The following CHD1 variants were observed in gnomAD, a reference collection of about 807,000 sequenced individuals.
CHD1 encodes the protein ATP-dependent chromatin remodeler CHD1.
Under a neutral mutation model 224.2 loss-of-function variants are expected in CHD1, and 36 were observed. That is an observed-to-expected ratio of 0.16 (90% CI 0.12 to 0.21). The LOEUF is 0.21. Among genes scored for constraint, CHD1 ranks in the 10% least tolerant of loss-of-function variants. CHD1 has a pLI of 1.00. For missense variants in CHD1, 1,378 were observed against 1,994.8 expected, an observed-to-expected ratio of 0.69 and a Z score of 5.89; for synonymous variants, 668 against 658.3, an observed-to-expected ratio of 1.01 and a Z score of -0.23.
intron 30 of CHD1, 199 bp downstream of exon 30, chr5:98,869,555 G>A (rs966874347): frequency 1.4e-5 from 8 of 587,154 alleles, no homozygotes; most frequent in African/African-American, 1.1e-4. Flanking sequence ...AATATCTACT[G>A]GACAGTTAGA....
chr5:98,866,208 A>T (rs161736), intron 31 of CHD1, among the ~76,000 whole-genome samples: 20,805 of 152,194 alleles, frequency 0.14, 1,783 homozygotes, highest in Middle Eastern at 0.27. Flanking sequence ...GATAAAAATA[A>T]AAGTCCAGAG....
intron 21 of CHD1, 27 bp downstream of exon 21, chr5:98,881,252 C>CTTTTTT (rs11295695): frequency 1.2e-5 from 8 of 675,266 alleles, no homozygotes; most frequent in African/African-American, 4.8e-5. Flanking sequence ...TGAGGCAGGC[C>CTTTTTT]TTTTTTTTTT....
chr5:98,873,828 T>G (rs545579772), intron 25 of CHD1, 105 bp from the exon 26 acceptor site: 1 of 998,132 alleles, frequency 1.0e-6, no homozygotes, highest in Admixed American at 2.5e-5. Flanking sequence ...CTCTACTGCA[T>G]GCTCTATATA....
chr5:98,895,377 A>C (rs1010852625), intron 12 of CHD1, among the ~76,000 whole-genome samples: 5 of 152,242 alleles, frequency 3.3e-5, no homozygotes, highest in Non-Finnish European at 7.3e-5. Context: ...CAAAACTAGC[A>C]GTAAATTTGT....
rs189112735 is a variant in CHD1 at position 98,887,604 on chromosome 5, A to T, written c.2496+484T>A. Among the ~76,000 whole-genome samples the T allele has an allele frequency of 5.6e-3, 846 of 152,240 alleles. 8 individuals carry two copies. The highest frequency in any genetic ancestry group is 0.019 in the African/African-American group (785 of 41,550). ...GAACTTCAATATAAATTTTGAATAG[A>T]TGGAAGGGAATTTTGGTCTTTAGTT... is the stretch of plus-strand genomic sequence containing the variant. On this transcript the variant is annotated intron_variant, in intron 17 of 35. Coordinates refer to ENST00000614616, the MANE Select transcript of CHD1 (RefSeq NM_001270.4).
intron 2 of CHD1, among the ~76,000 whole-genome samples, chr5:98,916,924 T>C (rs867501414): frequency 2.7e-5 from 4 of 146,748 alleles, no homozygotes; most frequent in Non-Finnish European, 4.6e-5. Context: ...TTTCCTTTCA[T>C]ATCCGACCTC....
At chr5:98,871,140 T>C (rs1001749512) in intron 28 of CHD1, among the ~76,000 whole-genome samples, 1 of 151,816 alleles carries the variant, frequency 6.6e-6, no homozygotes, top group Non-Finnish European at 1.5e-5. Context: ...CACCTTCCCT[T>C]CTCAGTAAAA....
chr5:98,901,309 C>T lies in CHD1; in HGVS notation c.464G>A (p.Gly155Glu), dbSNP rs757982108. The T allele has an allele frequency of 1.2e-6, 2 of 1,610,894 alleles. No individual in the cohort carries two copies. The highest frequency in any genetic ancestry group is 1.7e-4 in the Middle Eastern group (1 of 6,034). ...KDEDWQMSGS[G>E]SPSQSGSDSE... ...ATCTGAACCAGACTGAGATGGAGAT[C>T]CTGACCCAGACATTTGCCAATCTTC... Residue 155 changes from glycine (G) to glutamate (E), a missense_variant, in exon 6 of 36, where the codon GGA becomes GAA. This residue lies in a region of CHD1 where 306 missense variants were observed against 298.1 expected (regional missense o/e 1.03). Transcript: ENST00000614616.
At chr5:98,926,036 T>C (rs1753433180) in intron 2 of CHD1, among the ~76,000 whole-genome samples, 1 of 152,100 alleles carries the variant, frequency 6.6e-6, no homozygotes, top group Non-Finnish European at 1.5e-5. Context: ...TTTAAATCTA[T>C]TATACATGCT....
rs745729064 is a variant in CHD1, at chr5:98,856,338, T to C, written c.*42A>G. 6 of 1,460,874 alleles carry C rather than the reference T, an allele frequency of 4.1e-6. No homozygotes were observed. Among genetic ancestry groups the C allele is most frequent in the Non-Finnish European group, 5.7e-6 (6 of 1,048,890 alleles). 90.5% of individuals were successfully genotyped at this position (1,460,874 alleles called of 1,614,324 possible). On this transcript the variant is annotated 3_prime_UTR_variant, in exon 36 of 36. Transcript: ENST00000614616. ...AATTACTGTGTTGGTTTATGATATATGGCTAAAAGAAAAGTCCAGAAAGAC... is the reference window on the plus strand; with the variant it reads ...AATTACTGTGTTGGTTTATGATATACGGCTAAAAGAAAAGTCCAGAAAGAC...
chr5:98,894,729 G>A, intron 12 of CHD1, 43 bp from the exon 13 acceptor site: 1 of 836,010 alleles, frequency 1.2e-6, no homozygotes, highest in Non-Finnish European at 1.9e-6. Context: ...CAAACATCAA[G>A]CAAATTATAC....
intron 25 of CHD1, among the ~76,000 whole-genome samples, chr5:98,874,102 T>C (rs533568698): frequency 6.6e-6 from 1 of 152,082 alleles, no homozygotes; most frequent in Non-Finnish European, 1.5e-5. Context: ...ATATGAATGA[T>C]TAATACTCAA....
At chr5:98,905,990 T>C (rs1245880906) in intron 2 of CHD1, among the ~76,000 whole-genome samples, 2 of 152,198 alleles carry the variant, frequency 1.3e-5, no homozygotes, top group Admixed American at 6.5e-5. Flanking sequence ...CCACAGGTAA[T>C]ACAGTTTACA....
rs539925109 is a variant in CHD1, at chr5:98,866,307, G to A, written c.4248+2188C>T. 3.3e-5 allele frequency among the ~76,000 whole-genome samples: 5 copies of A among 152,262 alleles called. No individual in the cohort carries two copies. The South Asian group carries it at 1.0e-3, about 32-fold the overall frequency. On this transcript the variant is annotated intron_variant, in intron 31 of 35. Coordinates refer to ENST00000614616, the MANE Select transcript of CHD1 (RefSeq NM_001270.4). ...CAATACTCCCAGTGACTGGAAGAAT[G>A]TCAACAGCTCAAAGTAGGGAGAACA...
rs567956380 is a variant in CHD1 at position 98,903,499 on chromosome 5, G to A, written c.372+293C>T. ...TCATTCATACATGTATATGCGTGTA[G>A]GTGCATATCACATTTAATTATTTCC... On this transcript the variant is annotated intron_variant, in intron 4 of 35. Transcript: ENST00000614616. 1.2e-4 allele frequency among the ~76,000 whole-genome samples: 18 copies of A among 151,490 alleles called. No individual in the cohort carries two copies. The South Asian group carries it at 2.5e-3, about 21-fold the overall frequency.
intron 2 of CHD1, among the ~76,000 whole-genome samples, chr5:98,905,641 TATA>T (rs1752000505): frequency 6.6e-6 from 1 of 152,242 alleles, no homozygotes; most frequent in Non-Finnish European, 1.5e-5. Flanking sequence ...TATGATAAAA[TATA>T]ATTTATTTTA....
At chr5:98,869,620 GCGCACACA>G (rs1296119020) in intron 30 of CHD1, 126 bp downstream of exon 30, 32 of 754,238 alleles carry the variant, frequency 4.2e-5, no homozygotes, top group African/African-American at 2.3e-4. Context: ...GCACGTGCGC[GCGCACACA>G]CACACACACA....
chr5:98,873,335 A>G (rs566305688), intron 26 of CHD1, among the ~76,000 whole-genome samples: 1 of 152,244 alleles, frequency 6.6e-6, no homozygotes, highest in Non-Finnish European at 1.5e-5. Flanking sequence ...GAATGTACAT[A>G]TGTGTGTGTA....
intron 32 of CHD1, among the ~76,000 whole-genome samples, chr5:98,861,006 T>C (rs1333367613): frequency 1.3e-5 from 2 of 152,142 alleles, no homozygotes; most frequent in Non-Finnish European, 2.9e-5. Flanking sequence ...CTTATAAAAA[T>C]ATATTTTCCC....
Sources: gnomAD v4.1 joint callset for allele counts (sites outside exome capture counted in the v4.1 genomes callset) on GRCh38, gnomAD v4.1.1 for gene constraint, gnomAD v4.1.1 regional missense constraint, MANE v1.5 for transcripts, NCBI Gene and HGNC (gene_info 2026-07-23, HGNC 2026-07-21) for gene names.